Variants in FBRS observed in about 807,000 individuals in gnomAD.
FBRS encodes the protein fibrosin.
In FBRS, 15 loss-of-function variants were observed where a neutral mutation model predicts 86.1. The ratio of observed to expected loss-of-function variants is 0.17; its 90% CI spans 0.12 to 0.27. FBRS has a LOEUF of 0.27. Among genes scored for constraint, FBRS ranks in the 10% least tolerant of loss-of-function variants. FBRS has a pLI of 1.00. For missense variants in FBRS, 1,367 were observed against 1,301.6 expected, an observed-to-expected ratio of 1.05 and a Z score of -0.77; for synonymous variants, 666 against 575.8, an observed-to-expected ratio of 1.16 and a Z score of -2.24.
At position 30,669,911 on chromosome 16, in the gene FBRS, G is replaced by A; in HGVS notation, c.*266G>A. 6.8e-6 allele frequency: 4 copies of A among 588,082 alleles called. No homozygotes were observed. The highest frequency in any genetic ancestry group is 3.0e-5 in the Admixed American group (1 of 32,828). 36.4% of individuals were successfully genotyped at this position (588,082 alleles called of 1,614,324 possible). A position where few individuals can be genotyped will look rare whatever the true frequency, so the allele number is the denominator to read the frequency against. ...GAGTGTGGCTCATCTCGGGGGCCAT[G>A]GGGCCTCCTGAGGTACACCTTTGCC... On this transcript the variant is annotated 3_prime_UTR_variant, in exon 18 of 18. Coordinates refer to ENST00000356166, the MANE Select transcript of FBRS (RefSeq NM_001105079.3). The surrounding 1 kb of genome is among the most constrained non-coding windows in gnomAD (Gnocchi z 5.9).
rs1423224213 is a variant in FBRS, at chr16:30,662,549, T to C, written c.755-10T>C. ...CCTCAACTGAGCATGTCTGCCATCC[T>C]GCCCCACAGCCTCGGGCCCCCACGG... On this transcript the variant is annotated splice_polypyrimidine_tract_variant and intron_variant, in intron 5 of 17. Coordinates refer to ENST00000356166, the MANE Select transcript of FBRS (RefSeq NM_001105079.3). 1.3e-6 allele frequency: 2 copies of C among 1,546,846 alleles called. No homozygotes were observed. Among genetic ancestry groups the C allele is most frequent in the East Asian group, 2.4e-5 (1 of 40,818 alleles).
chr16:30,660,634 C>T (rs2052448551), intron 2 of FBRS, 192 bp downstream of exon 2: 2 of 940,710 alleles, frequency 2.1e-6, no homozygotes, highest in South Asian at 4.8e-5. Flanking sequence ...CCTCCTTTTG[C>T]CTGGTTCTGT....
Position 30,658,994 on chromosome 16 carries a change from C to T in FBRS, c.-525C>T, listed in dbSNP as rs1042444352. 7.9e-5 allele frequency: 12 copies of T among 152,360 alleles called. No homozygotes were observed. The highest frequency in any genetic ancestry group is 2.9e-4 in the African/African-American group (12 of 41,562). 9.4% of individuals were successfully genotyped at this position (152,360 alleles called of 1,614,324 possible). Reference sequence around the variant, plus strand: ...GAGGACTAGAAACTAACTCCGAGCCCTTAAAGGGACGGCCTGCTGTTAGAA... The same window carrying T: ...GAGGACTAGAAACTAACTCCGAGCCTTTAAAGGGACGGCCTGCTGTTAGAA... On this transcript the variant is annotated 5_prime_UTR_variant, in exon 1 of 18. Transcript: ENST00000356166.
chr16:30,668,739 C>A lies in FBRS; in HGVS notation c.2159-33C>A, dbSNP rs374541307. The A allele has an allele frequency of 7.6e-6, 12 of 1,588,090 alleles. No homozygotes were observed. The East Asian group carries it at 2.2e-4, about 30-fold the overall frequency. The stretch of plus-strand genomic sequence containing the variant: ...CCTGAACAGGGCCTCCCACTTCTGG[C>A]CCCTGTCACTCTCTGCTTCACCCTC... On this transcript the variant is annotated intron_variant, in intron 16 of 17. Coordinates refer to ENST00000356166, the MANE Select transcript of FBRS (RefSeq NM_001105079.3).
In FBRS at chr16:30,668,999, T is replaced by TCCCCCCCCCCCCCCC; in HGVS notation, c.2366+20_2366+21insCCCCCCCCCCCCCCC. On this transcript the variant is annotated intron_variant, in intron 17 of 17. Transcript: ENST00000356166. ...GGACAGGTGTGCCTCCCACCCACCC[T>TCCCCCCCCCCCCCCC]GCCCCTGCCCCACCCTCAGCCCCTG... The TCCCCCCCCCCCCCCC allele has an allele frequency of 3.1e-6, 1 of 319,462 alleles. No homozygotes were observed. The highest frequency in any genetic ancestry group is 5.1e-6 in the Non-Finnish European group (1 of 197,106). The allele number at this position is 319,462 out of a possible 1,614,324, so 19.8% of individuals were successfully genotyped here. A position where few individuals can be genotyped will look rare whatever the true frequency, so the allele number is the denominator to read the frequency against.
chr16:30,660,165 T>C, intron 1 of FBRS, 98 bp from the exon 2 acceptor site: 2 of 1,410,788 alleles, frequency 1.4e-6, no homozygotes, highest in Non-Finnish European at 1.9e-6. Context: ...GGGACCCGGT[T>C]TCCCGGCCCG....
rs1156375508 is a variant in FBRS at position 30,670,121 on chromosome 16, C to G, written c.*476C>G. Reference sequence around the variant, plus strand: ...CACCCCTTTCACATAGCCCCAAGACCTTTTGTACATTTTTACAGGGGTGCC... The same window carrying G: ...CACCCCTTTCACATAGCCCCAAGACGTTTTGTACATTTTTACAGGGGTGCC... On this transcript the variant is annotated 3_prime_UTR_variant, in exon 18 of 18. Coordinates refer to ENST00000356166, the MANE Select transcript of FBRS (RefSeq NM_001105079.3). 2 of 462,790 alleles carry G rather than the reference C, an allele frequency of 4.3e-6. No homozygotes were observed. Among genetic ancestry groups the G allele is most frequent in the Admixed American group, 2.3e-5 (1 of 42,656 alleles). 28.7% of individuals were successfully genotyped at this position (462,790 alleles called of 1,614,324 possible).
In FBRS at chr16:30,659,686, C is replaced by A; in HGVS notation, c.168C>A (p.Ser56=). 2 of 841,900 alleles carry A rather than the reference C, an allele frequency of 2.4e-6. No individual in the cohort carries two copies. The highest frequency in any genetic ancestry group is 2.9e-5 in the Admixed American group (1 of 34,494). The allele number at this position is 841,900 out of a possible 1,614,324, so 52.2% of individuals were successfully genotyped here. Reference sequence around the variant, plus strand: ...TGGCCGCCCCGCGCGGCTCCTCGTCCTCGTCGTCGCCGCCGCCGCCCGCCA... The same window carrying A: ...TGGCCGCCCCGCGCGGCTCCTCGTCATCGTCGTCGCCGCCGCCGCCCGCCA... ...ALLAAPRGSS[S]SSSPPPPARP... is the part of the protein sequence containing the mutation. Residue 56 remains serine, a synonymous_variant, in exon 1 of 18, where the codon TCC becomes TCA. Coordinates refer to ENST00000356166, the MANE Select transcript of FBRS (RefSeq NM_001105079.3).
In FBRS at chr16:30,660,453, C is replaced by T. The variant is rs1318893082; in HGVS notation, c.639+11C>T. 8.8e-6 allele frequency: 11 copies of T among 1,257,078 alleles called. 1 individual carries two copies. In the Admixed American group the frequency reaches 1.2e-4, roughly 14 times the overall value. 77.9% of individuals were successfully genotyped at this position (1,257,078 alleles called of 1,614,324 possible). A position where few individuals can be genotyped will look rare whatever the true frequency, so the allele number is the denominator to read the frequency against. Reference sequence around the variant, plus strand: ...CGGAGAAGAAAAGAGGTGAGGTTGTCCCTTAAAACTCTTTAGGCAGAATGT... The same window carrying T: ...CGGAGAAGAAAAGAGGTGAGGTTGTTCCTTAAAACTCTTTAGGCAGAATGT... On this transcript the variant is annotated intron_variant, in intron 2 of 17. Coordinates refer to ENST00000356166, the MANE Select transcript of FBRS (RefSeq NM_001105079.3).
At position 30,669,667 on chromosome 16, in the gene FBRS, G is replaced by A; in HGVS notation, c.*22G>A. 1.3e-6 allele frequency: 2 copies of A among 1,565,920 alleles called. No homozygotes were observed. The highest frequency in any genetic ancestry group is 1.1e-5 in the South Asian group (1 of 87,282). On this transcript the variant is annotated 3_prime_UTR_variant, in exon 18 of 18. Coordinates refer to ENST00000356166, the MANE Select transcript of FBRS (RefSeq NM_001105079.3). The surrounding 1 kb of genome is among the most constrained non-coding windows in gnomAD (Gnocchi z 5.9). ...GTGAGGGGAACGGGGGGGGGTCGGG[G>A]CAAAGCTCCATCTCCCCTTCCTTTA...
intron 8 of FBRS, 35 bp downstream of exon 8, chr16:30,664,955 A>G (rs1457544985): frequency 3.1e-6 from 5 of 1,608,862 alleles, no homozygotes; most frequent in Non-Finnish European, 4.2e-6. Flanking sequence ...TGAGGCTCGG[A>G]GGCCTCTGGG....
intron 1 of FBRS, 44 bp from the exon 2 acceptor site, chr16:30,660,219 C>T (rs1430644683): frequency 7.5e-7 from 1 of 1,333,834 alleles, no homozygotes; most frequent in Non-Finnish European, 9.7e-7. Flanking sequence ...GGGTTGGGAG[C>T]TTGCCCTTTT....
At chr16:30,662,032 G>C (rs1018608287) in intron 4 of FBRS, 2 of 220,112 alleles carry the variant, frequency 9.1e-6, no homozygotes, top group African/African-American at 4.7e-5. Context: ...TTTTAATGAG[G>C]AATCTCCGGA....
intron 15 of FBRS, 29 bp downstream of exon 15, chr16:30,667,651 C>T: frequency 6.8e-7 from 1 of 1,466,804 alleles, no homozygotes; most frequent in Non-Finnish European, 9.0e-7. Flanking sequence ...TTGGGCAACC[C>T]AGGCTTTGTC....
rs1007575898 is a variant in FBRS at position 30,660,532 on chromosome 16, G to C, written c.639+90G>C. On this transcript the variant is annotated intron_variant, in intron 2 of 17. Transcript: ENST00000356166. ...AACGCCACTGCCCCTTGTAAACAGA[G>C]ACCCCAGTTTCTAAGGGCAAAGAGG... The C allele has an allele frequency of 4.0e-6, 5 of 1,255,444 alleles. No individual in the cohort carries two copies. In the African/African-American group the frequency reaches 6.2e-5, roughly 16 times the overall value. 77.8% of individuals were successfully genotyped at this position (1,255,444 alleles called of 1,614,324 possible).
chr16:30,669,513 G>A lies in FBRS; in HGVS notation c.2811G>A (p.Ala937=), dbSNP rs376939624. The A allele has an allele frequency of 2.3e-5, 37 of 1,612,972 alleles. No homozygotes were observed. Among genetic ancestry groups the A allele is most frequent in the South Asian group, 6.6e-5 (6 of 91,084 alleles). ...SRLAPPPPPA[A]APGTPHLLSK... ...TGGCTCCTCCACCACCACCTGCTGC[G>A]GCCCCGGGAACCCCTCACCTTCTCA... Residue 937 remains alanine, a synonymous_variant, in exon 18 of 18, where the codon GCG becomes GCA. Transcript: ENST00000356166. This position sits in a 1 kb window ranked among gnomAD's most constrained non-coding sequence, Gnocchi z 5.9.
rs143138146 is a variant in FBRS, at chr16:30,660,772, A to G, written c.639+330A>G. Among the ~76,000 whole-genome samples the G allele has an allele frequency of 2.3e-3, 347 of 152,340 alleles. 1 individual carries two copies. Among genetic ancestry groups the G allele is most frequent in the African/African-American group, 7.5e-3 (310 of 41,578 alleles). On this transcript the variant is annotated intron_variant, in intron 2 of 17. Coordinates refer to ENST00000356166, the MANE Select transcript of FBRS (RefSeq NM_001105079.3). The stretch of plus-strand genomic sequence containing the variant: ...AGCAGAAAAGAAATAGCCAGCAAGC[A>G]AACACCTAGACCTTAATTTGAGAAG...
Position 30,664,368 on chromosome 16 carries a change from C to T in FBRS, c.1209C>T (p.Ser403=). 2 of 1,530,970 alleles carry T rather than the reference C, an allele frequency of 1.3e-6. No individual in the cohort carries two copies. Among genetic ancestry groups the T allele is most frequent in the East Asian group, 2.5e-5 (1 of 40,162 alleles). The allele number at this position is 1,530,970 out of a possible 1,614,324, so 94.8% of individuals were successfully genotyped here. The change falls in exon 7 of 18, where the codon TCC becomes TCT. Residue 403 remains serine, a synonymous_variant. Coordinates refer to ENST00000356166, the MANE Select transcript of FBRS (RefSeq NM_001105079.3). The stretch of plus-strand genomic sequence containing the variant: ...CGCCCTCACTGCCCCTGCCTTTGTC[C>T]ACCCACAGCTTTCCCCCTCCCGGGC... The part of the protein sequence containing the change: ...PPTPSLPLPL[S]THSFPPPGLR...
chr16:30,669,008 C>T lies in FBRS; in HGVS notation c.2366+29C>T, dbSNP rs773632675. ...TGCCTCCCACCCACCCTGCCCCTGC[C>T]CCACCCTCAGCCCCTGCTGCCCCTG... is the stretch of plus-strand genomic sequence containing the variant. On this transcript the variant is annotated intron_variant, in intron 17 of 17. Coordinates refer to ENST00000356166, the MANE Select transcript of FBRS (RefSeq NM_001105079.3). The surrounding 1 kb of genome is among the most constrained non-coding windows in gnomAD (Gnocchi z 5.9). The T allele has an allele frequency of 1.3e-6, 2 of 1,557,754 alleles. No individual in the cohort carries two copies. The highest frequency in any genetic ancestry group is 2.4e-5 in the East Asian group (1 of 42,322).
Sources: gnomAD v4.1 joint callset for allele counts (sites outside exome capture counted in the v4.1 genomes callset) on GRCh38, gnomAD v4.1.1 for gene constraint, Gnocchi (gnomAD v3.1) non-coding constraint, MANE v1.5 for transcripts, NCBI Gene and HGNC (gene_info 2026-07-23, HGNC 2026-07-21) for gene names.